Variants in SPG11 observed in about 807,000 individuals in gnomAD.
The protein encoded by SPG11 is SPG11 vesicle trafficking associated, spatacsin, also known as spatacsin.
SPG11 carries 222 observed loss-of-function variants against 274.0 expected under a neutral mutation model. The observed-to-expected ratio is 0.81, with a 90% confidence interval of 0.73 to 0.91. The LOEUF is 0.91. SPG11 is among the 40% of genes least tolerant of loss of function. The probability of loss-of-function intolerance (pLI) is 0.00; values close to 1 mark genes in which losing one functional copy is unlikely to be tolerated. For missense variants in SPG11, 3,114 were observed against 2,872.7 expected (o/e 1.08, Z -1.92); for synonymous variants, 1,144 against 1,039.7 (o/e 1.10, Z -1.93).
chr15:44,632,817 A>T (rs746211174), intron 8 of SPG11, among the ~76,000 whole-genome samples: 1 of 152,156 alleles, frequency 6.6e-6, no homozygotes, highest in East Asian at 1.9e-4. Context: ...AAAAATTCTT[A>T]TAACAAATCC....
chr15:44,563,652 T>C (rs771647308), intron 39 of SPG11, among the ~76,000 whole-genome samples: 7 of 151,934 alleles, frequency 4.6e-5, no homozygotes, highest in Admixed American at 6.6e-5. Flanking sequence ...TTTTCTCTCT[T>C]AAATAAAAGA....
At chr15:44,576,730 T>C (rs1441764050) in intron 30 of SPG11, among the ~76,000 whole-genome samples, 1 of 152,152 alleles carries the variant, frequency 6.6e-6, no homozygotes, top group Admixed American at 6.6e-5. Context: ...AATCTCATTT[T>C]TTGTAAAAAA....
chr15:44,599,956 T>C (rs996714003), intron 21 of SPG11, among the ~76,000 whole-genome samples: 2 of 152,238 alleles, frequency 1.3e-5, no homozygotes, highest in Non-Finnish European at 2.9e-5. Flanking sequence ...ACCCGTCATC[T>C]AGGTTTTAAG....
chr15:44,584,116 A>G lies in SPG11; in HGVS notation c.5564T>C (p.Leu1855Ser), dbSNP rs138009927. Residue 1855 changes from leucine to serine, a missense_variant, in exon 30 of 40, where the codon TTA becomes TCA. Coordinates refer to ENST00000261866, the MANE Select transcript of SPG11 (RefSeq NM_025137.4). The stretch of plus-strand genomic sequence containing the variant: ...TTTGGATGGAAGGCTGTTAAGTTCT[A>G]AGTATTTTGATGTGTTCAGAGCAGC... ...KLAALNTSKY[L>S]ELNSLPSKET... 5.0e-6 allele frequency: 8 copies of G among 1,614,100 alleles called. No homozygotes were observed. Among genetic ancestry groups the G allele is most frequent in the Non-Finnish European group, 6.8e-6 (8 of 1,180,036 alleles).
chr15:44,580,607 T>C (rs1386506494), intron 30 of SPG11, among the ~76,000 whole-genome samples: 2 of 152,200 alleles, frequency 1.3e-5, no homozygotes, highest in Non-Finnish European at 2.9e-5. Context: ...TGAAACCTTG[T>C]CTGTACTAAA....
At chr15:44,610,207 CCAGCT>C (rs1343535438) in intron 18 of SPG11, among the ~76,000 whole-genome samples, 5 of 149,308 alleles carry the variant, frequency 3.3e-5, no homozygotes, top group African/African-American at 9.9e-5. Flanking sequence ...TCGGTCATGC[CCAGCT>C]AATTTTTAAA....
chr15:44,661,628 C>G (rs887384581), intron 1 of SPG11, among the ~76,000 whole-genome samples: 1 of 151,826 alleles, frequency 6.6e-6, no homozygotes. Context: ...AAAAAAAAGA[C>G]ATTTTTCTGA....
chr15:44,639,536 C>G, intron 7 of SPG11, among the ~76,000 whole-genome samples: 1 of 151,878 alleles, frequency 6.6e-6, no homozygotes. Flanking sequence ...AACCCTGTCT[C>G]TACAAAAAAT....
At chr15:44,635,595 CAAAAAAAAAAAAAA>C (rs56776994) in intron 7 of SPG11, among the ~76,000 whole-genome samples, 8 of 54,072 alleles carry the variant, frequency 1.5e-4, no homozygotes, top group Admixed American at 1.2e-3. Flanking sequence ...AACCCTGTCT[CAAAAAAAAAAAAAA>C]AAAAAAAAAA....
At chr15:44,567,207 C>T (rs901903457) in intron 36 of SPG11, 72 of 485,090 alleles carry the variant, frequency 1.5e-4, no homozygotes, top group African/African-American at 1.2e-3. Context: ...AAAAATTAGC[C>T]GGGTGTGGTG....
intron 36 of SPG11, 85 bp from the exon 37 acceptor site, chr15:44,566,390 T>C (rs753176177): frequency 1.6e-5 from 22 of 1,345,278 alleles, no homozygotes; most frequent in Admixed American, 3.8e-5. Context: ...GTGGCTAGAA[T>C]AGAAACATCC....
chr15:44,626,363 T>A lies in SPG11; in HGVS notation c.2212A>T (p.Ile738Leu). The change falls in exon 11 of 40, where the codon ATA becomes TTA. Residue 738 changes from isoleucine to leucine, a missense_variant. By Grantham distance (5) the Ile-to-Leu change is conservative. Transcript: ENST00000261866. ...TTCAAAAGTTCAGAGGCTTCCTTTA[T>A]ATTGTTCTTTTTTAAATTGTCAAAG... ...LVFDNLKKNN[I>L]KEASELLKNM... 2 of 1,613,348 alleles carry A rather than the reference T, an allele frequency of 1.2e-6. No individual in the cohort carries two copies. The highest frequency in any genetic ancestry group is 1.7e-6 in the Non-Finnish European group (2 of 1,179,844).
At chr15:44,647,870 T>C (rs1363110428) in intron 7 of SPG11, among the ~76,000 whole-genome samples, 1 of 152,184 alleles carries the variant, frequency 6.6e-6, no homozygotes, top group Non-Finnish European at 1.5e-5. Flanking sequence ...GGCCATTGAA[T>C]TGTACATTTT....
chr15:44,575,568 C>T (rs1043704188), intron 30 of SPG11, among the ~76,000 whole-genome samples: 3 of 150,202 alleles, frequency 2.0e-5, no homozygotes, highest in Non-Finnish European at 3.0e-5. Context: ...GATCTCAGCT[C>T]ACTGCAACCT....
intron 7 of SPG11, among the ~76,000 whole-genome samples, chr15:44,637,479 A>AT (rs1256206137): frequency 1.9e-4 from 29 of 151,890 alleles, no homozygotes; most frequent in Admixed American, 1.3e-4. Flanking sequence ...TACCCGGCTA[A>AT]TTTTTTTGTA....
At chr15:44,585,568 C>T in intron 29 of SPG11, 68 bp downstream of exon 29, 1 of 1,388,884 alleles carries the variant, frequency 7.2e-7, no homozygotes, top group Non-Finnish European at 1.0e-6. Context: ...CGCCACTGCA[C>T]TCCAGCCTGG....
chr15:44,596,660 C>G (rs74478809), intron 24 of SPG11, 124 bp downstream of exon 24: 1 of 270,292 alleles, frequency 3.7e-6, no homozygotes, highest in Non-Finnish European at 6.7e-6. Flanking sequence ...GTATCCTGGT[C>G]AAAAAAAAAA....
chr15:44,644,602 G>C (rs2084552146), intron 7 of SPG11, among the ~76,000 whole-genome samples: 1 of 152,082 alleles, frequency 6.6e-6, no homozygotes, highest in Admixed American at 6.6e-5. Context: ...AGAAATAAAA[G>C]GCATCCAAAT....
intron 27 of SPG11, 32 bp downstream of exon 27, chr15:44,592,299 C>A (rs1317817261): frequency 7.6e-7 from 1 of 1,307,630 alleles, no homozygotes; most frequent in African/African-American, 1.5e-5. Flanking sequence ...AAGTGCAGAT[C>A]AGTGAGAAAG....
Sources: allele counts gnomAD v4.1 joint callset (sites outside exome capture counted in the v4.1 genomes callset), GRCh38; gene constraint gnomAD v4.1.1; transcripts MANE v1.5; gene names NCBI Gene and HGNC (gene_info 2026-07-23, HGNC 2026-07-21).